Variants in CACNA2D3 observed in about 807,000 individuals in gnomAD.
CACNA2D3 encodes the protein calcium voltage-gated channel auxiliary subunit alpha2delta 3.
In CACNA2D3, 60 loss-of-function variants were observed where a neutral mutation model predicts 160.6. The ratio of observed to expected loss-of-function variants is 0.37; its 90% CI spans 0.30 to 0.46. The LOEUF is 0.46. Among genes scored for constraint, CACNA2D3 ranks in the 20% least tolerant of loss-of-function variants. The pLI is 1.00. For missense variants in CACNA2D3, 1,205 were observed against 1,365.0 expected (o/e 0.88, Z 1.85); for synonymous variants, 558 against 492.9 (o/e 1.13, Z -1.75).
chr3:54,723,648 A>G (rs769445186), intron 11 of CACNA2D3, among the ~76,000 whole-genome samples: 2 of 152,128 alleles, frequency 1.3e-5, no homozygotes, highest in African/African-American at 2.4e-5. Flanking sequence ...AAATTCTCTG[A>G]CGCCTTGCAC....
chr3:54,202,412 T>A (rs1293629839), intron 2 of CACNA2D3, among the ~76,000 whole-genome samples: 1 of 152,266 alleles, frequency 6.6e-6, no homozygotes, highest in African/African-American at 2.4e-5. Flanking sequence ...CAAGTCCCAG[T>A]TACCACGTCT....
intron 9 of CACNA2D3, among the ~76,000 whole-genome samples, chr3:54,606,619 G>A (rs1037446053): frequency 3.9e-5 from 6 of 152,098 alleles, no homozygotes; most frequent in South Asian, 2.1e-4. Context: ...ACTAGGAGAC[G>A]CCATTCTGGG....
intron 34 of CACNA2D3, among the ~76,000 whole-genome samples, chr3:55,016,823 A>G (rs1053688947): frequency 6.6e-6 from 1 of 152,226 alleles, no homozygotes; most frequent in African/African-American, 2.4e-5. Flanking sequence ...TCCTCAAAAT[A>G]ATTAAACCTC....
At chr3:54,180,161 G>A (rs578239254) in intron 2 of CACNA2D3, among the ~76,000 whole-genome samples, 1 of 147,718 alleles carries the variant, frequency 6.8e-6, no homozygotes, top group Admixed American at 6.9e-5. Flanking sequence ...AGAAATGTGA[G>A]TGTAACATGA....
chr3:54,525,592 A>G (rs1278490284), intron 5 of CACNA2D3, among the ~76,000 whole-genome samples: 1 of 152,166 alleles, frequency 6.6e-6, no homozygotes, highest in Non-Finnish European at 1.5e-5. Context: ...TATGCTGGAT[A>G]TAGGATTTTT....
intron 11 of CACNA2D3, among the ~76,000 whole-genome samples, chr3:54,708,707 C>T (rs1439701896): frequency 1.3e-5 from 2 of 152,194 alleles, no homozygotes; most frequent in African/African-American, 2.4e-5. Flanking sequence ...AATTTAAATG[C>T]TCAAATCCTA....
intron 9 of CACNA2D3, among the ~76,000 whole-genome samples, chr3:54,587,888 C>T (rs908581586): frequency 1.3e-5 from 2 of 152,170 alleles, no homozygotes; most frequent in Non-Finnish European, 2.9e-5. Context: ...CTGGAGAATT[C>T]TACCAAACAT....
intron 2 of CACNA2D3, among the ~76,000 whole-genome samples, chr3:54,209,756 G>A (rs1701339027): frequency 2.0e-5 from 3 of 152,168 alleles, no homozygotes; most frequent in Non-Finnish European, 1.5e-5. Context: ...TCCAGAGGAT[G>A]TTCTAAAGTA....
Position 55,074,289 on chromosome 3 carries a change from G to GCAA in CACNA2D3, c.*86_*88dup. On this transcript the variant is annotated 3_prime_UTR_variant, in exon 38 of 38. Transcript: ENST00000474759. The stretch of plus-strand genomic sequence containing the variant: ...GATAAACTGTGAACCAAAATATGGT[G>GCAA]CAACATACGAGACATGAATATAGTC... The GCAA allele has an allele frequency of 2.8e-6, 3 of 1,078,768 alleles. No homozygotes were observed. Among genetic ancestry groups the GCAA allele is most frequent in the Non-Finnish European group, 4.3e-6 (3 of 694,150 alleles). The allele number at this position is 1,078,768 out of a possible 1,614,324, so 66.8% of individuals were successfully genotyped here.
chr3:54,409,791 G>C (rs1699635489), intron 4 of CACNA2D3, among the ~76,000 whole-genome samples: 1 of 152,208 alleles, frequency 6.6e-6, no homozygotes, highest in African/African-American at 2.4e-5. Flanking sequence ...ACTCTTTTCA[G>C]TTCTATGAAG....
chr3:54,817,813 G>A (rs1395654411), intron 14 of CACNA2D3, among the ~76,000 whole-genome samples: 1 of 152,180 alleles, frequency 6.6e-6, no homozygotes, highest in Non-Finnish European at 1.5e-5. Flanking sequence ...ATATATTTGA[G>A]GTATTTAAAC....
At chr3:54,625,582 C>T (rs911327523) in intron 9 of CACNA2D3, among the ~76,000 whole-genome samples, 5 of 152,148 alleles carry the variant, frequency 3.3e-5, no homozygotes, top group Admixed American at 6.5e-5. Context: ...GACAGTGGAG[C>T]GGGCCAGGGA....
At chr3:54,694,993 A>G (rs1700638139) in intron 11 of CACNA2D3, among the ~76,000 whole-genome samples, 1 of 152,092 alleles carries the variant, frequency 6.6e-6, no homozygotes, top group Non-Finnish European at 1.5e-5. Context: ...CTTCCCTATC[A>G]TGTCATTACC....
intron 17 of CACNA2D3, among the ~76,000 whole-genome samples, chr3:54,856,830 G>A (rs1274820336): frequency 6.6e-6 from 1 of 152,092 alleles, no homozygotes; most frequent in Non-Finnish European, 1.5e-5. Context: ...GCCCAGGCTG[G>A]AGTGCAGTGG....
At chr3:54,154,529 T>TC (rs1253037583) in intron 2 of CACNA2D3, among the ~76,000 whole-genome samples, 17 of 140,558 alleles carry the variant, frequency 1.2e-4, no homozygotes, top group African/African-American at 3.8e-4. Flanking sequence ...CTTACTCTTT[T>TC]TCCCCCCCGA....
intron 27 of CACNA2D3, among the ~76,000 whole-genome samples, chr3:54,935,301 A>G (rs1414884912): frequency 2.0e-5 from 3 of 152,250 alleles, no homozygotes; most frequent in Admixed American, 1.3e-4. Flanking sequence ...TCCCATTCCA[A>G]TATCTTCCCA....
intron 3 of CACNA2D3, among the ~76,000 whole-genome samples, chr3:54,375,505 G>A (rs1052402816): frequency 6.6e-6 from 1 of 152,048 alleles, no homozygotes; most frequent in Admixed American, 6.6e-5. Flanking sequence ...ACCAATGAGG[G>A]GCAGTCAAAC....
intron 2 of CACNA2D3, among the ~76,000 whole-genome samples, chr3:54,209,315 A>G (rs12637435): frequency 0.36 from 54,097 of 152,008 alleles, 10,585 homozygotes; most frequent in Admixed American, 0.44. Context: ...GTTTTTCAAT[A>G]AAGTCAGTTG....
intron 2 of CACNA2D3, among the ~76,000 whole-genome samples, chr3:54,150,853 TG>T (rs1405572089): frequency 6.0e-5 from 9 of 151,182 alleles, no homozygotes; most frequent in Non-Finnish European, 4.4e-5. Flanking sequence ...GATGGATGGA[TG>T]AGTGGGTGTA....
Sources: allele counts gnomAD v4.1 joint callset (sites outside exome capture counted in the v4.1 genomes callset), GRCh38; gene constraint gnomAD v4.1.1; transcripts MANE v1.5; gene names NCBI Gene and HGNC (gene_info 2026-07-23, HGNC 2026-07-21).